BTBD16: variants seen among roughly 807,000 people sequenced by gnomAD.
The protein encoded by BTBD16 is BTB domain containing 16, also known as BTB/POZ domain-containing protein 16.
A neutral mutation model predicts 67.4 loss-of-function variants in BTBD16; 66 were observed. The observed-to-expected ratio is 0.98, with a 90% CI of 0.80 to 1.20. The LOEUF (loss-of-function observed/expected upper bound fraction) is 1.20. BTBD16 is among the 50% of genes most tolerant of loss of function. BTBD16 has a pLI of 0.00. For missense variants in BTBD16, 634 were observed against 616.0 expected (o/e 1.03, Z -0.31); for synonymous variants, 242 against 236.4 (o/e 1.02, Z -0.22).
At chr10:122,280,821 T>C (rs913633715) in intron 3 of BTBD16, among the ~76,000 whole-genome samples, 36 of 152,090 alleles carry the variant, frequency 2.4e-4, no homozygotes, top group Non-Finnish European at 7.4e-5. Context: ...TTTTGTTTTG[T>C]TTTGAAACAA....
intron 7 of BTBD16, among the ~76,000 whole-genome samples, chr10:122,292,146 G>A (rs1433505431): frequency 2.0e-5 from 3 of 152,226 alleles, no homozygotes; most frequent in Non-Finnish European, 4.4e-5. Context: ...TGCAGGGTCT[G>A]TGCTCAGTTC....
intron 5 of BTBD16, chr10:122,287,441 C>G: frequency 1.0e-6 from 1 of 985,476 alleles, no homozygotes; most frequent in Non-Finnish European, 1.2e-6. Context: ...AAGACAGCCA[C>G]TCTGATCCAA....
At chr10:122,299,852 C>G (rs2096390591) in intron 9 of BTBD16, among the ~76,000 whole-genome samples, 1 of 152,156 alleles carries the variant, frequency 6.6e-6, no homozygotes, top group Non-Finnish European at 1.5e-5. Flanking sequence ...GTCTGGACCC[C>G]CTTCTAATCG....
intron 10 of BTBD16, among the ~76,000 whole-genome samples, chr10:122,321,701 A>C (rs1384761982): frequency 1.3e-5 from 2 of 151,758 alleles, no homozygotes; most frequent in Non-Finnish European, 2.9e-5. Flanking sequence ...TTTTTAATGG[A>C]GTTGTTTTTT....
Position 122,338,062 on chromosome 10 carries a change from GCA to G in BTBD16, c.1499_1500del (p.Ala500ValfsTer30), listed in dbSNP as rs770822369. 11 of 1,609,798 alleles carry G rather than the reference GCA, an allele frequency of 6.8e-6. No homozygotes were observed. The Admixed American group carries it at 1.7e-4, about 24-fold the overall frequency. On this transcript the variant is annotated frameshift_variant, in exon 16 of 16. Transcript: ENST00000260723. LOFTEE classifies it high-confidence loss of function. ...TVGIPIYVSF[A>X]FIFPAS ...GGGCATCCCAATCTATGTAAGTTTT[GCA>G]TTCATCTTCCCAGCATCTTGACAGT...
In BTBD16 at chr10:122,336,682, T is replaced by C. The variant is rs1474788681; in HGVS notation, c.1452T>C (p.His484=). ...TGACCACGTCATCCTGCAAAAGCCA[T>C]GCAAGTGTTCACGTTGTCTTTTCCT... ...FGLTTSSCKS[H]TLKIQTVGIP... Residue 484 remains histidine (H), a splice_region_variant and synonymous_variant, in exon 15 of 16, where the codon CAT becomes CAC. Transcript: ENST00000260723. 1.3e-6 allele frequency: 2 copies of C among 1,577,536 alleles called. No individual in the cohort carries two copies. The highest frequency in any genetic ancestry group is 1.7e-6 in the Non-Finnish European group (2 of 1,167,714).
intron 3 of BTBD16, 31 bp from the exon 4 acceptor site, chr10:122,283,820 C>T (rs2096357800): frequency 6.3e-7 from 1 of 1,582,894 alleles, no homozygotes; most frequent in Non-Finnish European, 8.7e-7. Context: ...AGTATTAACT[C>T]CTGGATTTTA....
At chr10:122,290,872 G>A (rs1222587475) in intron 6 of BTBD16, among the ~76,000 whole-genome samples, 3 of 152,218 alleles carry the variant, frequency 2.0e-5, no homozygotes, top group African/African-American at 7.2e-5. Flanking sequence ...CAGAAGCTCA[G>A]CTTTCTTTAG....
Position 122,298,970 on chromosome 10 carries a change from ACTTC to A in BTBD16, c.661-29_661-26del, listed in dbSNP as rs1252998720. 5.6e-6 allele frequency: 9 copies of A among 1,610,202 alleles called. No homozygotes were observed. The Admixed American group carries it at 1.3e-4, about 24-fold the overall frequency. On this transcript the variant is annotated intron_variant, in intron 8 of 15. Coordinates refer to ENST00000260723, the MANE Select transcript of BTBD16 (RefSeq NM_144587.5). The stretch of plus-strand genomic sequence containing the variant: ...CAGCAGAGGGTGCCAAGAGCTCAGG[ACTTC>A]CTTCATCAACTGGCTTTTTTTTGTC...
intron 2 of BTBD16, 148 bp from the exon 3 acceptor site, chr10:122,276,643 G>A: frequency 1.9e-6 from 2 of 1,037,264 alleles, no homozygotes; most frequent in Non-Finnish European, 2.8e-6. Flanking sequence ...GCCTTGAGTT[G>A]TCTTGTGAGA....
intron 4 of BTBD16, among the ~76,000 whole-genome samples, chr10:122,285,334 C>G (rs2096361588): frequency 6.6e-6 from 1 of 152,278 alleles, no homozygotes; most frequent in South Asian, 2.1e-4. Context: ...ATCAAAAAGC[C>G]TCTTCTTTTA....
At chr10:122,337,424 T>C (rs1346656235) in intron 15 of BTBD16, among the ~76,000 whole-genome samples, 1 of 152,182 alleles carries the variant, frequency 6.6e-6, no homozygotes, top group South Asian at 2.1e-4. Flanking sequence ...ATGAAGGACA[T>C]TTCTGTGGGG....
At position 122,283,920 on chromosome 10, in the gene BTBD16, A is replaced by G. The variant is rs1247146098; in HGVS notation, c.237A>G (p.Glu79=). 6.2e-7 allele frequency: 1 copy of G among 1,612,874 alleles called. No individual in the cohort carries two copies. Among genetic ancestry groups the G allele is most frequent in the South Asian group, 1.1e-5 (1 of 91,028 alleles). The change falls in exon 4 of 16, where the codon GAA becomes GAG. Residue 79 remains glutamate, a synonymous_variant. Transcript: ENST00000260723. The part of the protein sequence containing the change: ...NFKNKDIQSG[E]ADVILECLGF... ...AGAACAAGGACATCCAAAGTGGGGA[A>G]GCAGGTGAGTTTGTGTTATCCATGG...
intron 3 of BTBD16, among the ~76,000 whole-genome samples, chr10:122,283,189 C>T (rs1032401907): frequency 9.9e-5 from 15 of 152,140 alleles, no homozygotes; most frequent in Admixed American, 9.2e-4. Context: ...AGAGCAGGGC[C>T]GGAGGCTGGG....
Position 122,287,672 on chromosome 10 carries a change from G to T in BTBD16, c.385+1424G>T, listed in dbSNP as rs372188079. On this transcript the variant is annotated intron_variant, in intron 5 of 15. Coordinates refer to ENST00000260723, the MANE Select transcript of BTBD16 (RefSeq NM_144587.5). ...TGGTGGTTTGCATACCTGTCTCACGGTTATCACTTTCATGTTCTCAATATC... is the reference window on the plus strand; with the variant it reads ...TGGTGGTTTGCATACCTGTCTCACGTTTATCACTTTCATGTTCTCAATATC... 1.2e-4 allele frequency among the ~76,000 whole-genome samples: 19 copies of T among 152,324 alleles called. No individual in the cohort carries two copies. The East Asian group carries it at 3.5e-3, about 28-fold the overall frequency.
chr10:122,335,062 G>A (rs1244261986), intron 14 of BTBD16, 83 bp downstream of exon 14: 4 of 678,464 alleles, frequency 5.9e-6, no homozygotes, highest in Non-Finnish European at 9.9e-6. Flanking sequence ...AATAATAATT[G>A]ATTCATCATT....
At chr10:122,327,312 T>C (rs1263818281) in intron 10 of BTBD16, among the ~76,000 whole-genome samples, 11 of 152,218 alleles carry the variant, frequency 7.2e-5, no homozygotes. Context: ...AACAATTGCC[T>C]GCATTTGATG....
Position 122,331,157 on chromosome 10 carries a change from T to C in BTBD16, c.1004-19T>C. On this transcript the variant is annotated intron_variant, in intron 11 of 15. Coordinates refer to ENST00000260723, the MANE Select transcript of BTBD16 (RefSeq NM_144587.5). ...GTGTGAATAAAACTAAAAAACATTCTCTTTGCGTTTCTTCCCAGGCAAGGA... is the reference window on the plus strand; with the variant it reads ...GTGTGAATAAAACTAAAAAACATTCCCTTTGCGTTTCTTCCCAGGCAAGGA... 3 of 1,605,640 alleles carry C rather than the reference T, an allele frequency of 1.9e-6. No individual in the cohort carries two copies. Among genetic ancestry groups the C allele is most frequent in the South Asian group, 1.1e-5 (1 of 89,084 alleles).
intron 10 of BTBD16, among the ~76,000 whole-genome samples, chr10:122,318,121 T>A (rs1257890971): frequency 6.6e-6 from 1 of 152,208 alleles, no homozygotes; most frequent in Admixed American, 6.5e-5. Context: ...CAGTCCTGTC[T>A]TTTCAGCTCC....
Sources: allele counts gnomAD v4.1 joint callset (sites outside exome capture counted in the v4.1 genomes callset), GRCh38; gene constraint gnomAD v4.1.1; transcripts MANE v1.5; gene names NCBI Gene and HGNC (gene_info 2026-07-23, HGNC 2026-07-21).